The following PLD1 variants were observed in gnomAD, a reference collection of about 807,000 sequenced individuals.
PLD1 encodes the protein phospholipase D1, also known as choline phosphatase 1.
A neutral mutation model predicts 137.1 loss-of-function variants in PLD1; 112 were observed. The ratio of observed to expected loss-of-function variants is 0.82; its 90% CI spans 0.70 to 0.96. PLD1 has a LOEUF of 0.96. PLD1 is among the 40% of genes least tolerant of loss of function. The pLI, the probability that PLD1 is intolerant of heterozygous loss-of-function variation, is 0.00. For synonymous variants in PLD1, 431 were observed against 454.7 expected, an observed-to-expected ratio of 0.95 and a Z score of 0.66; for missense variants, 1,321 against 1,342.0, an observed-to-expected ratio of 0.98 and a Z score of 0.24.
intron 1 of PLD1, among the ~76,000 whole-genome samples, chr3:171,796,240 T>C (rs1275424454): frequency 6.6e-6 from 1 of 152,224 alleles, no homozygotes; most frequent in Non-Finnish European, 1.5e-5. Flanking sequence ...TGTGTATAAA[T>C]ATCTCCATAT....
At chr3:171,787,797 T>C (rs1026615624) in intron 1 of PLD1, among the ~76,000 whole-genome samples, 4 of 152,034 alleles carry the variant, frequency 2.6e-5, no homozygotes, top group African/African-American at 4.8e-5. Flanking sequence ...ATTTTTTCCC[T>C]GGTAATTTAA....
intron 1 of PLD1, among the ~76,000 whole-genome samples, chr3:171,800,611 C>T (rs548665176): frequency 6.0e-4 from 92 of 152,358 alleles, no homozygotes; most frequent in African/African-American, 2.2e-3. Context: ...CTGCTGTCTA[C>T]ATCCCTGGAC....
chr3:171,757,081 T>C (rs1435514134), intron 1 of PLD1, among the ~76,000 whole-genome samples: 4 of 152,200 alleles, frequency 2.6e-5, no homozygotes, highest in South Asian at 4.1e-4. Context: ...ATAACAAAAA[T>C]AGACAAATTG....
intron 25 of PLD1, among the ~76,000 whole-genome samples, chr3:171,610,411 G>A (rs189917798): frequency 1.3e-5 from 2 of 152,240 alleles, no homozygotes; most frequent in African/African-American, 4.8e-5. Flanking sequence ...TCTATGTATA[G>A]AAAAAAGTGG....
intron 23 of PLD1, among the ~76,000 whole-genome samples, chr3:171,638,225 C>T (rs1254933331): frequency 6.6e-6 from 1 of 151,046 alleles, no homozygotes; most frequent in Non-Finnish European, 1.5e-5. Flanking sequence ...TTACATAGAG[C>T]ACTTACCATG....
intron 21 of PLD1, among the ~76,000 whole-genome samples, chr3:171,654,659 A>T (rs1737045916): frequency 6.6e-6 from 1 of 152,174 alleles, no homozygotes; most frequent in African/African-American, 2.4e-5. Context: ...AAAACAGTAA[A>T]TTTTAGACTG....
intron 1 of PLD1, among the ~76,000 whole-genome samples, chr3:171,774,531 C>A (rs993225778): frequency 5.9e-5 from 9 of 152,120 alleles, no homozygotes; most frequent in Admixed American, 5.9e-4. Context: ...GATGCTAAAC[C>A]GGAAAGTGTC....
chr3:171,666,551 T>C (rs1458426147), intron 19 of PLD1, among the ~76,000 whole-genome samples: 1 of 152,208 alleles, frequency 6.6e-6, no homozygotes, highest in East Asian at 1.9e-4. Flanking sequence ...TTTTGATTGA[T>C]TTCCTTTTGT....
chr3:171,624,539 C>T (rs572448922), intron 23 of PLD1, among the ~76,000 whole-genome samples: 2 of 151,924 alleles, frequency 1.3e-5, no homozygotes, highest in South Asian at 4.2e-4. Context: ...TAAATATATA[C>T]CTTCAACAAA....
At chr3:171,657,274 G>C (rs111899278) in intron 21 of PLD1, among the ~76,000 whole-genome samples, 1,706 of 152,246 alleles carry the variant, frequency 0.011, 30 homozygotes, top group African/African-American at 0.036. Context: ...CACATAAAAT[G>C]CTGATAGTTA....
chr3:171,798,852 A>G (rs1457364208), intron 1 of PLD1, among the ~76,000 whole-genome samples: 1 of 152,142 alleles, frequency 6.6e-6, no homozygotes, highest in African/African-American at 2.4e-5. Flanking sequence ...AGAGTCAGCC[A>G]TGCTGGGATG....
Position 171,729,321 on chromosome 3 carries a change from A to T in PLD1, c.607-3245T>A, listed in dbSNP as rs79980832. Among the ~76,000 whole-genome samples the T allele has an allele frequency of 4.7e-3, 715 of 152,358 alleles. 3 individuals are homozygous for T. The highest frequency in any genetic ancestry group is 0.017 in the African/African-American group (690 of 41,588). On this transcript the variant is annotated intron_variant, in intron 6 of 26. Coordinates refer to ENST00000351298, the MANE Select transcript of PLD1 (RefSeq NM_002662.5). ...GGTGGAAAGTGGTCTCAAGTAAAAA[A>T]TTCCAACATGATCTACCAATTGGAT... is the stretch of plus-strand genomic sequence containing the variant.
chr3:171,784,792 T>C (rs568463273), intron 1 of PLD1, among the ~76,000 whole-genome samples: 1 of 152,312 alleles, frequency 6.6e-6, no homozygotes, highest in Non-Finnish European at 1.5e-5. Context: ...TCACTTTGTA[T>C]CTGGTATCAT....
At chr3:171,765,308 A>G (rs1721903557) in intron 1 of PLD1, 1 of 152,242 alleles carries the variant, frequency 6.6e-6, no homozygotes, top group Non-Finnish European at 1.5e-5. Context: ...CAGAACAAAC[A>G]TAGTAACCAG....
intron 1 of PLD1, among the ~76,000 whole-genome samples, chr3:171,805,986 G>A (rs1178335966): frequency 6.6e-6 from 1 of 151,792 alleles, no homozygotes; most frequent in Non-Finnish European, 1.5e-5. Flanking sequence ...AACTAGCCTG[G>A]GTGACATAGC....
At chr3:171,635,331 A>T (rs28749915) in intron 23 of PLD1, among the ~76,000 whole-genome samples, 1 of 152,108 alleles carries the variant, frequency 6.6e-6, no homozygotes, top group Non-Finnish European at 1.5e-5. Context: ...TAACTTTTGC[A>T]GAAATGCCAA....
intron 24 of PLD1, among the ~76,000 whole-genome samples, chr3:171,615,112 C>T (rs951079141): frequency 3.3e-5 from 5 of 152,184 alleles, no homozygotes; most frequent in Non-Finnish European, 7.3e-5. Flanking sequence ...TAAATGCTCC[C>T]TCCATTTGTT....
intron 23 of PLD1, among the ~76,000 whole-genome samples, chr3:171,623,866 T>G (rs9823244): frequency 6.6e-6 from 1 of 151,854 alleles, no homozygotes; most frequent in Non-Finnish European, 1.5e-5. Flanking sequence ...AAATTTTTTT[T>G]AACAAGAATA....
intron 1 of PLD1, among the ~76,000 whole-genome samples, chr3:171,763,443 G>A (rs1721544994): frequency 8.1e-6 from 1 of 123,638 alleles, no homozygotes. Flanking sequence ...AAGAAAAGAA[G>A]AGAAAGAGGA....
Sources: gnomAD v4.1 joint callset for allele counts (sites outside exome capture counted in the v4.1 genomes callset) on GRCh38, gnomAD v4.1.1 for gene constraint, MANE v1.5 for transcripts, NCBI Gene and HGNC (gene_info 2026-07-23, HGNC 2026-07-21) for gene names.